The following OSBPL8 variants were observed in gnomAD, a reference collection of about 807,000 sequenced individuals.
OSBPL8 encodes oxysterol-binding protein-related protein 8.
In OSBPL8, 59 loss-of-function variants were observed where a neutral mutation model predicts 125.5. The ratio of observed to expected loss-of-function variants is 0.47; its 90% CI spans 0.38 to 0.58. The LOEUF is 0.58. Among genes scored for constraint, OSBPL8 ranks in the 20% least tolerant of loss-of-function variants. OSBPL8 has a pLI of 0.00. For missense variants in OSBPL8, 758 were observed against 1,047.8 expected (o/e 0.72, Z 3.82); for synonymous variants, 330 against 338.9 (o/e 0.97, Z 0.29).
At chr12:76,441,596 T>C (rs971496718) in intron 4 of OSBPL8, among the ~76,000 whole-genome samples, 8 of 152,040 alleles carry the variant, frequency 5.3e-5, no homozygotes, top group African/African-American at 1.9e-4. Context: ...GAAGGCTAAA[T>C]CCCAACAGAA....
chr12:76,370,379 G>C lies in OSBPL8; in HGVS notation c.2055-557C>G, dbSNP rs537285662. Among the ~76,000 whole-genome samples the C allele has an allele frequency of 2.0e-3, 297 of 152,224 alleles. 1 individual carries two copies. Among genetic ancestry groups the C allele is most frequent in the African/African-American group, 6.8e-3 (282 of 41,530 alleles). On this transcript the variant is annotated intron_variant, in intron 19 of 23. Transcript: ENST00000261183. ...TGAGAACCACTGGTTTAACAGAAAAGACTACTGAGGTAAAATGATTTCCCC... is the reference window on the plus strand; with the variant it reads ...TGAGAACCACTGGTTTAACAGAAAACACTACTGAGGTAAAATGATTTCCCC...
intron 4 of OSBPL8, among the ~76,000 whole-genome samples, chr12:76,447,789 C>A (rs1445590014): frequency 6.6e-6 from 1 of 152,124 alleles, no homozygotes; most frequent in African/African-American, 2.4e-5. Context: ...TCAGGTAATC[C>A]ACCCGCCTTG....
At chr12:76,510,929 T>C (rs530564472) in intron 1 of OSBPL8, among the ~76,000 whole-genome samples, 2 of 151,748 alleles carry the variant, frequency 1.3e-5, no homozygotes, top group Admixed American at 1.3e-4. Context: ...TAAGAAGCAC[T>C]GTTCTAGATT....
intron 1 of OSBPL8, among the ~76,000 whole-genome samples, chr12:76,552,973 T>C (rs1950986541): frequency 1.3e-5 from 2 of 152,190 alleles, no homozygotes; most frequent in African/African-American, 4.8e-5. Context: ...TACTTCCAAA[T>C]TGCTGATCTT....
intron 1 of OSBPL8, among the ~76,000 whole-genome samples, chr12:76,519,662 AG>A (rs1881879943): frequency 6.6e-6 from 1 of 152,234 alleles, no homozygotes; most frequent in African/African-American, 2.4e-5. Context: ...CAGGCTGCAC[AG>A]GAAGAATGGT....
chr12:76,550,022 G>A (rs1328675094), intron 1 of OSBPL8, among the ~76,000 whole-genome samples: 2 of 151,062 alleles, frequency 1.3e-5, no homozygotes, highest in Non-Finnish European at 2.9e-5. Flanking sequence ...AGTCCAAATG[G>A]AGGCAGAGTT....
chr12:76,426,285 A>G lies in OSBPL8; in HGVS notation c.218-15651T>C, dbSNP rs186299736. ...GTATTTCTGAGTTCTGTCTATAAAT[A>G]TTCACTGCTTATGTTTCAGAGTGGT... is the stretch of plus-strand genomic sequence containing the variant. On this transcript the variant is annotated intron_variant, in intron 4 of 23. Coordinates refer to ENST00000261183, the MANE Select transcript of OSBPL8 (RefSeq NM_020841.5). 1.1e-3 allele frequency among the ~76,000 whole-genome samples: 169 copies of G among 152,290 alleles called. 1 individual carries two copies. The highest frequency in any genetic ancestry group is 5.9e-4 in the Non-Finnish European group (40 of 68,010).
chr12:76,526,556 T>G (rs898045820), intron 1 of OSBPL8, among the ~76,000 whole-genome samples: 1 of 150,932 alleles, frequency 6.6e-6, no homozygotes, highest in Non-Finnish European at 1.5e-5. Flanking sequence ...AAAAGCTGCA[T>G]ATTTTCTAAT....
intron 22 of OSBPL8, among the ~76,000 whole-genome samples, chr12:76,356,952 C>T (rs139131614): frequency 1.3e-5 from 2 of 152,106 alleles, no homozygotes; most frequent in Admixed American, 1.3e-4. Context: ...TTTTGGATGG[C>T]ACCAGTTTTT....
intron 2 of OSBPL8, among the ~76,000 whole-genome samples, chr12:76,485,208 G>T (rs191740361): frequency 1.7e-4 from 26 of 151,876 alleles, no homozygotes; most frequent in African/African-American, 6.3e-4. Context: ...CAGGTGTGAC[G>T]CACCGTGCCC....
At chr12:76,422,696 A>G (rs1219428694) in intron 4 of OSBPL8, 1 of 443,462 alleles carries the variant, frequency 2.3e-6, no homozygotes, top group East Asian at 7.0e-5. Flanking sequence ...CCAAAGGCTA[A>G]TTAGACCAAT....
At chr12:76,529,786 G>A (rs1165687692) in intron 1 of OSBPL8, among the ~76,000 whole-genome samples, 1 of 152,186 alleles carries the variant, frequency 6.6e-6, no homozygotes, top group African/African-American at 2.4e-5. Flanking sequence ...TGTGAAAGAG[G>A]AAACCAATGA....
At chr12:76,521,349 G>A (rs578098590) in intron 1 of OSBPL8, among the ~76,000 whole-genome samples, 1 of 152,304 alleles carries the variant, frequency 6.6e-6, no homozygotes, top group South Asian at 2.1e-4. Flanking sequence ...TGCCCTGCAG[G>A]TGGGAATGTA....
chr12:76,369,126 TTTTGAAACCAAATTTTA>T, intron 21 of OSBPL8, 71 bp downstream of exon 21: 15 of 1,444,340 alleles, frequency 1.0e-5, no homozygotes, highest in Admixed American at 2.9e-5. Flanking sequence ...AAATTTTAAA[TTTTGAAACCAAATTTTA>T]GTTGGTTGCT....
At chr12:76,405,596 C>A (rs1178566672) in intron 5 of OSBPL8, among the ~76,000 whole-genome samples, 2 of 152,214 alleles carry the variant, frequency 1.3e-5, no homozygotes. Context: ...CTCAAGGAAT[C>A]TTTAACTCAC....
intron 18 of OSBPL8, chr12:76,371,822 T>C: frequency 3.4e-6 from 1 of 295,598 alleles, no homozygotes; most frequent in Non-Finnish European, 6.0e-6. Context: ...ATATCCAGTT[T>C]GTGAAATTTC....
chr12:76,506,535 G>T (rs1230690963), intron 1 of OSBPL8, among the ~76,000 whole-genome samples: 1 of 152,106 alleles, frequency 6.6e-6, no homozygotes, highest in Non-Finnish European at 1.5e-5. Flanking sequence ...AATGAATCCT[G>T]ATTTTTTGTT....
chr12:76,454,616 G>A (rs2136768450), intron 3 of OSBPL8, among the ~76,000 whole-genome samples: 1 of 152,072 alleles, frequency 6.6e-6, no homozygotes. Flanking sequence ...CTACTAGGGA[G>A]GCTGAGGTGG....
intron 1 of OSBPL8, among the ~76,000 whole-genome samples, chr12:76,496,970 C>G (rs529999329): frequency 6.6e-6 from 1 of 152,162 alleles, no homozygotes; most frequent in Non-Finnish European, 1.5e-5. Context: ...TGAGCCACCA[C>G]GCCTGGCCCC....
Sources: allele counts gnomAD v4.1 joint callset (sites outside exome capture counted in the v4.1 genomes callset), GRCh38; gene constraint gnomAD v4.1.1; transcripts MANE v1.5; gene names NCBI Gene and HGNC (gene_info 2026-07-23, HGNC 2026-07-21).